CNIH3: variants seen among roughly 807,000 people sequenced by gnomAD.
CNIH3 encodes the protein protein cornichon homolog 3.
CNIH3 carries 14 observed loss-of-function variants against 24.1 expected under a neutral mutation model. That is an observed-to-expected ratio of 0.58 (90% CI 0.38 to 0.91). The LOEUF (loss-of-function observed/expected upper bound fraction) is 0.91. CNIH3 is among the 40% of genes least tolerant of loss of function. The pLI, the probability that CNIH3 is intolerant of heterozygous loss-of-function variation, is 0.00. For missense variants in CNIH3, 178 were observed against 196.8 expected, an observed-to-expected ratio of 0.90 and a Z score of 0.57; for synonymous variants, 68 against 73.8, an observed-to-expected ratio of 0.92 and a Z score of 0.40.
At chr1:224,688,502 T>C (rs190817256) in intron 3 of CNIH3, among the ~76,000 whole-genome samples, 4 of 149,416 alleles carry the variant, frequency 2.7e-5, no homozygotes, top group Non-Finnish European at 4.4e-5. Flanking sequence ...GAGTATTTAC[T>C]AAGTAAGTGA....
In CNIH3 at chr1:224,547,839, G is replaced by A. The variant is rs144971366; in HGVS notation, n.450+900G>A. 1.0e-3 allele frequency among the ~76,000 whole-genome samples: 153 copies of A among 151,740 alleles called. 2 individuals carry two copies. In the East Asian group the frequency reaches 0.026, roughly 26 times the overall value. On this transcript the variant is annotated intron_variant and non_coding_transcript_variant, in intron 3 of 5. Coordinates refer to the CNIH3 transcript ENST00000471578. ...TGTGACATTATTTGTAATATCTAAA[G>A]AAGATATTATTCCTAATATCAAAGT...
chr1:224,440,636 T>C (rs887460441), intron 1 of CNIH3, among the ~76,000 whole-genome samples: 8 of 152,242 alleles, frequency 5.3e-5, no homozygotes, highest in African/African-American at 1.4e-4. Flanking sequence ...GTGCATAATA[T>C]GATGCATTTT....
At position 224,703,199 on chromosome 1, in the gene CNIH3, C is replaced by T. The variant is rs886675954; in HGVS notation, c.198+18356C>T. On this transcript the variant is annotated intron_variant, in intron 3 of 5. Transcript: ENST00000272133. This position sits in a 1 kb window ranked among gnomAD's most constrained non-coding sequence, Gnocchi z 4.2. Reference sequence around the variant, plus strand: ...GTTGGAGGGGCCAGATTTTGAGGAGCCAGTGACCTAGTGTCTGTGCATCCC... The same window carrying T: ...GTTGGAGGGGCCAGATTTTGAGGAGTCAGTGACCTAGTGTCTGTGCATCCC... Among the ~76,000 whole-genome samples the T allele has an allele frequency of 1.3e-5, 2 of 152,074 alleles. No individual in the cohort carries two copies. Among genetic ancestry groups the T allele is most frequent in the African/African-American group, 4.8e-5 (2 of 41,380 alleles).
At position 224,463,685 on chromosome 1, in the gene CNIH3, G is replaced by A. The variant is rs1341353824; in HGVS notation, n.203+28823G>A. On this transcript the variant is annotated intron_variant and non_coding_transcript_variant, in intron 1 of 5. Transcript: ENST00000471578. ...GCCTCCCAAAGTGCTGGGATTATTG[G>A]TGTGAGCCACCGTGCCCGGCCTGAT... Among the ~76,000 whole-genome samples the A allele has an allele frequency of 4.0e-5, 6 of 149,502 alleles. No homozygotes were observed. In the Admixed American group the frequency reaches 4.0e-4, roughly 10 times the overall value.
At chr1:224,736,758 G>A (rs79808484) in intron 5 of CNIH3, among the ~76,000 whole-genome samples, 11,625 of 152,208 alleles carry the variant, frequency 0.076, 539 homozygotes, top group South Asian at 0.16. Flanking sequence ...GATTTCTACG[G>A]TGCCCAGTGG....
chr1:224,589,719 C>G (rs1681668494), downstream of CNIH3, among the ~76,000 whole-genome samples: 1 of 152,170 alleles, frequency 6.6e-6, no homozygotes, highest in Admixed American at 6.5e-5. Context: ...TTTGAGTGCT[C>G]TTTGGGTGGC....
chr1:224,448,961 C>CTTTTT (rs397983008), intron 1 of CNIH3, among the ~76,000 whole-genome samples: 2 of 115,266 alleles, frequency 1.7e-5, no homozygotes, highest in Non-Finnish European at 3.7e-5. Context: ...AGCTGGGATT[C>CTTTTT]TTTTTTTTTT....
intron 3 of CNIH3, among the ~76,000 whole-genome samples, chr1:224,686,206 T>TCC (rs1262726499): frequency 3.6e-5 from 5 of 138,690 alleles, no homozygotes; most frequent in Admixed American, 8.0e-5. Context: ...CCTTCCTGTG[T>TCC]CTAAGTGTTC....
intron 3 of CNIH3, among the ~76,000 whole-genome samples, chr1:224,550,120 A>G (rs1444457659): frequency 1.3e-5 from 2 of 152,192 alleles, no homozygotes; most frequent in African/African-American, 2.4e-5. Context: ...CAGTGATGAT[A>G]GTTTATTAAT....
At chr1:224,696,100 G>C (rs953277766) in intron 3 of CNIH3, among the ~76,000 whole-genome samples, 4 of 152,148 alleles carry the variant, frequency 2.6e-5, no homozygotes, top group African/African-American at 9.7e-5. Flanking sequence ...GGCCTGTCCA[G>C]GCTGGAATGG....
chr1:224,543,419 T>A (rs2124952788), intron 2 of CNIH3, among the ~76,000 whole-genome samples: 1 of 152,270 alleles, frequency 6.6e-6, no homozygotes, highest in East Asian at 1.9e-4. Flanking sequence ...ATTCTAACAA[T>A]TAACAAACCT....
intron 1 of CNIH3, among the ~76,000 whole-genome samples, chr1:224,618,036 C>T (rs571253431): frequency 8.5e-5 from 13 of 152,288 alleles, no homozygotes; most frequent in African/African-American, 2.9e-4. Context: ...GGGGCTACGC[C>T]AGGTGGAGGG....
chr1:224,602,970 T>C (rs758440244), intron 3 of CNIH3, among the ~76,000 whole-genome samples: 38 of 152,258 alleles, frequency 2.5e-4, no homozygotes, highest in Admixed American at 5.2e-4. Context: ...TAAGGACATG[T>C]CTGTGGGGAA....
intron 3 of CNIH3, among the ~76,000 whole-genome samples, chr1:224,549,498 GTGA>G (rs1379862407): frequency 1.3e-5 from 2 of 151,992 alleles, no homozygotes; most frequent in Non-Finnish European, 2.9e-5. Context: ...ACAAATGAGA[GTGA>G]TGATATTTTC....
chr1:224,698,267 C>G (rs1180470925), intron 3 of CNIH3, among the ~76,000 whole-genome samples: 1 of 152,210 alleles, frequency 6.6e-6, no homozygotes, highest in African/African-American at 2.4e-5. Flanking sequence ...GAAAAGCCAT[C>G]CTGTTTCCTT....
intron 2 of CNIH3, among the ~76,000 whole-genome samples, chr1:224,534,769 T>G (rs562382910): frequency 1.6e-4 from 25 of 152,268 alleles, no homozygotes; most frequent in African/African-American, 6.0e-4. Context: ...CCCCCTCAAG[T>G]TTTTTACAAA....
chr1:224,468,824 CAAAAAAA>C (rs1214427002), intron 1 of CNIH3, among the ~76,000 whole-genome samples: 1 of 104,492 alleles, frequency 9.6e-6, no homozygotes. Flanking sequence ...GACCCTGTCT[CAAAAAAA>C]AAAAAAAAAA....
intron 1 of CNIH3, among the ~76,000 whole-genome samples, chr1:224,468,732 T>C (rs533984654): frequency 6.6e-6 from 1 of 151,670 alleles, no homozygotes; most frequent in South Asian, 2.1e-4. Flanking sequence ...GGTGGGAGCA[T>C]CACTTGAGGC....
In CNIH3 at chr1:224,650,645, C is replaced by T. The variant is rs1684816531; in HGVS notation, c.82-30313C>T. 2.0e-5 allele frequency among the ~76,000 whole-genome samples: 3 copies of T among 152,166 alleles called. No individual in the cohort carries two copies. The South Asian group carries it at 6.2e-4, about 32-fold the overall frequency. On this transcript the variant is annotated intron_variant, in intron 1 of 5. Transcript: ENST00000272133. ...GAGGGAAGGACTGCTCCAATTTAAA[C>T]ACCCGCAACAACAAAAGTTGTTTTA...
Sources: allele counts gnomAD v4.1 joint callset (sites outside exome capture counted in the v4.1 genomes callset), GRCh38; gene constraint gnomAD v4.1.1; non-coding constraint Gnocchi (gnomAD v3.1); transcripts MANE v1.5; gene names NCBI Gene and HGNC (gene_info 2026-07-23, HGNC 2026-07-21).